TEKT5: variants seen among roughly 807,000 people sequenced by gnomAD.
TEKT5 encodes tektin-5.
In TEKT5, 52 loss-of-function variants were observed where a neutral mutation model predicts 48.7. The ratio of observed to expected loss-of-function variants is 1.07; its 90% CI spans 0.86 to 1.35. TEKT5 has a LOEUF of 1.35. TEKT5 is among the 40% of genes most tolerant of loss of function. The pLI is 0.00. For synonymous variants in TEKT5, 318 were observed against 267.6 expected (o/e 1.19, Z -1.84); for missense variants, 831 against 641.6 (o/e 1.30, Z -3.19).
At position 10,667,685 on chromosome 16, in the gene TEKT5, GTCA is replaced by G. The variant is rs1232112275; in HGVS notation, c.1086+8271_1086+8273del. 2.0e-5 allele frequency among the ~76,000 whole-genome samples: 3 copies of G among 151,978 alleles called. No homozygotes were observed. In the East Asian group the frequency reaches 5.8e-4, roughly 29 times the overall value. ...CAAATTTCAGGTACTGGGCAGCATC[GTCA>G]TCATATTTCCCATATCCACATACCA... On this transcript the variant is annotated intron_variant, in intron 5 of 6. Coordinates refer to ENST00000283025, the MANE Select transcript of TEKT5 (RefSeq NM_144674.2).
intron 5 of TEKT5, among the ~76,000 whole-genome samples, chr16:10,661,195 T>A (rs148888723): frequency 1.3e-5 from 2 of 152,176 alleles, no homozygotes; most frequent in Admixed American, 1.3e-4. Context: ...GGGCGGGGAT[T>A]TGGCCCTTGG....
chr16:10,673,618 G>A (rs190086299), intron 5 of TEKT5, among the ~76,000 whole-genome samples: 12 of 148,950 alleles, frequency 8.1e-5, no homozygotes, highest in Admixed American at 7.4e-4. Flanking sequence ...GGCCTCTTCT[G>A]GAGCCTCCTA....
At chr16:10,655,361 C>G (rs1898243675) in intron 5 of TEKT5, among the ~76,000 whole-genome samples, 1 of 152,214 alleles carries the variant, frequency 6.6e-6, no homozygotes, top group Non-Finnish European at 1.5e-5. Context: ...AGTTCCACTA[C>G]TTACCCCCTA....
At chr16:10,661,356 C>T (rs1484891134) in intron 5 of TEKT5, among the ~76,000 whole-genome samples, 1 of 152,200 alleles carries the variant, frequency 6.6e-6, no homozygotes, top group African/African-American at 2.4e-5. Flanking sequence ...AGTGTGGTCC[C>T]TGGACCAGCA....
chr16:10,668,817 T>C (rs1898502319), intron 5 of TEKT5, among the ~76,000 whole-genome samples: 2 of 152,190 alleles, frequency 1.3e-5, no homozygotes, highest in South Asian at 2.1e-4. Context: ...TTTCCTCTGA[T>C]ATATAAAGCA....
intron 5 of TEKT5, among the ~76,000 whole-genome samples, chr16:10,655,413 AT>A (rs1339504499): frequency 6.6e-6 from 1 of 152,136 alleles, no homozygotes; most frequent in Non-Finnish European, 1.5e-5. Flanking sequence ...AAACCTCAGT[AT>A]TTTTTTAAAA....
intron 5 of TEKT5, among the ~76,000 whole-genome samples, chr16:10,666,978 CTTTTTTTTTT>C (rs201657619): frequency 3.9e-4 from 49 of 124,658 alleles, no homozygotes; most frequent in Admixed American, 9.1e-4. Context: ...TGGCTCCTTA[CTTTTTTTTTT>C]TTTTTTTTTT....
chr16:10,691,627 G>C (rs1026433047), intron 1 of TEKT5, among the ~76,000 whole-genome samples: 4 of 152,098 alleles, frequency 2.6e-5, no homozygotes, highest in Non-Finnish European at 5.9e-5. Flanking sequence ...TTATGGGGAG[G>C]GGTGGAGGAA....
chr16:10,662,952 C>T (rs1464111572), intron 5 of TEKT5, among the ~76,000 whole-genome samples: 4 of 152,194 alleles, frequency 2.6e-5, no homozygotes, highest in African/African-American at 4.8e-5. Flanking sequence ...CTTTCTCCTT[C>T]GGCTTGCAGC....
chr16:10,636,422 C>G lies in TEKT5; in HGVS notation c.1087-504G>C, dbSNP rs557727383. Among the ~76,000 whole-genome samples the G allele has an allele frequency of 6.6e-5, 10 of 151,628 alleles. No individual in the cohort carries two copies. The East Asian group carries it at 1.9e-3, about 29-fold the overall frequency. On this transcript the variant is annotated intron_variant, in intron 5 of 6. Coordinates refer to ENST00000283025, the MANE Select transcript of TEKT5 (RefSeq NM_144674.2). ...AACCCTGAGAAGCCGCTTCAGGTAT[C>G]CTCTTGTCACCGGGGCACTGTGGAC... is the stretch of plus-strand genomic sequence containing the variant.
At chr16:10,679,775 T>A (rs1596416614) in intron 4 of TEKT5, among the ~76,000 whole-genome samples, 1 of 150,936 alleles carries the variant, frequency 6.6e-6, no homozygotes. Context: ...CACATGCCTG[T>A]AATCCCAGCT....
In TEKT5 at chr16:10,659,002, G is replaced by C. The variant is rs145241065; in HGVS notation, c.1086+16957C>G. On this transcript the variant is annotated intron_variant, in intron 5 of 6. Transcript: ENST00000283025. Reference sequence around the variant, plus strand: ...CAAAGTGCTAGGATTACAGATGTGAGCCACGGTGCCCAGTCTGGGACCAGA... The same window carrying C: ...CAAAGTGCTAGGATTACAGATGTGACCCACGGTGCCCAGTCTGGGACCAGA... 8.8e-4 allele frequency among the ~76,000 whole-genome samples: 134 copies of C among 152,334 alleles called. No homozygotes were observed. In the Middle Eastern group the frequency reaches 0.01, roughly 12 times the overall value.
Position 10,635,730 on chromosome 16 carries a change from G to T in TEKT5, c.1241+34C>A, listed in dbSNP as rs754584167. The T allele has an allele frequency of 3.9e-5, 63 of 1,595,846 alleles. 2 individuals carry two copies. The South Asian group carries it at 6.6e-4, about 17-fold the overall frequency. ...CCCTTCCCGTTCCTGGATTCCCAGGGGTTCTCCTGCCTCCTCTGGCCTCCC... is the reference window on the plus strand; with the variant it reads ...CCCTTCCCGTTCCTGGATTCCCAGGTGTTCTCCTGCCTCCTCTGGCCTCCC... On this transcript the variant is annotated intron_variant, in intron 6 of 6. Transcript: ENST00000283025.
chr16:10,640,042 T>C (rs1364061208), intron 5 of TEKT5, among the ~76,000 whole-genome samples: 2 of 143,342 alleles, frequency 1.4e-5, no homozygotes, highest in African/African-American at 2.7e-5. Context: ...TCTCCTTCTT[T>C]CTCTTCCTCC....
chr16:10,662,623 C>T (rs1456557745), intron 5 of TEKT5, among the ~76,000 whole-genome samples: 1 of 152,224 alleles, frequency 6.6e-6, no homozygotes, highest in Non-Finnish European at 1.5e-5. Context: ...GCAACGTATC[C>T]TTGTACTTTC....
chr16:10,686,952 T>C lies in TEKT5; in HGVS notation c.719+2301A>G, dbSNP rs568054777. On this transcript the variant is annotated intron_variant, in intron 3 of 6. Transcript: ENST00000283025. ...ATTTGTGACAACATGGATAAGCCTA[T>C]AGGATATAATGTAAAGTAAAATAAG... Among the ~76,000 whole-genome samples the C allele has an allele frequency of 1.2e-3, 188 of 152,256 alleles. 1 individual carries two copies. The highest frequency in any genetic ancestry group is 4.3e-3 in the African/African-American group (179 of 41,534).
At chr16:10,643,612 G>C (rs557464744) in intron 5 of TEKT5, among the ~76,000 whole-genome samples, 10 of 152,254 alleles carry the variant, frequency 6.6e-5, no homozygotes, top group Admixed American at 5.9e-4. Flanking sequence ...ACATGCACCA[G>C]ATTTTGAAGA....
chr16:10,662,534 A>C (rs1898391394), intron 5 of TEKT5, among the ~76,000 whole-genome samples: 1 of 152,182 alleles, frequency 6.6e-6, no homozygotes, highest in Admixed American at 6.5e-5. Context: ...CCCCGGCACC[A>C]CCACCCTATA....
At chr16:10,682,710 T>A (rs760084053) in intron 3 of TEKT5, among the ~76,000 whole-genome samples, 3 of 152,216 alleles carry the variant, frequency 2.0e-5, no homozygotes, top group Non-Finnish European at 4.4e-5. Context: ...GTGGGTCATA[T>A]GGTCTCTGTT....
Sources: allele counts gnomAD v4.1 joint callset (sites outside exome capture counted in the v4.1 genomes callset), GRCh38; gene constraint gnomAD v4.1.1; transcripts MANE v1.5; gene names NCBI Gene and HGNC (gene_info 2026-07-23, HGNC 2026-07-21).